The following ARHGAP6 variants were observed in gnomAD, a reference collection of about 807,000 sequenced individuals.
The protein encoded by ARHGAP6 is rho GTPase-activating protein 6.
A neutral mutation model predicts 55.7 loss-of-function variants in ARHGAP6; 16 were observed. The observed-to-expected ratio is 0.29, with a 90% CI of 0.19 to 0.44. The LOEUF is 0.44. Ranked by LOEUF, ARHGAP6 falls within the 20% of genes least tolerant of loss-of-function variation. The pLI, the probability that ARHGAP6 is intolerant of heterozygous loss-of-function variation, is 1.00. For missense variants in ARHGAP6, 698 were observed against 808.9 expected (o/e 0.86, Z 1.66); for synonymous variants, 382 against 360.9 (o/e 1.06, Z -0.66).
intron 1 of ARHGAP6, among the ~76,000 whole-genome samples, chrX:11,322,715 G>T (rs1452840366): frequency 8.9e-6 from 1 of 112,196 alleles, no homozygotes; most frequent in Non-Finnish European, 1.9e-5. Flanking sequence ...AACTCATTCT[G>T]TGAATTTTGC....
At chrX:11,381,394 T>TC (rs1419932190) in intron 1 of ARHGAP6, among the ~76,000 whole-genome samples, 12 of 112,338 alleles carry the variant, frequency 1.1e-4, no homozygotes, top group Middle Eastern at 9.2e-3. Context: ...CCTGAAATAA[T>TC]CTTTATTTGA....
intron 1 of ARHGAP6, among the ~76,000 whole-genome samples, chrX:11,313,078 T>A (rs750129852): frequency 8.9e-6 from 1 of 112,204 alleles, no homozygotes; most frequent in South Asian, 3.7e-4. Flanking sequence ...CCTTAAGAGG[T>A]AGGTACTGTT....
chrX:11,646,964 G>A (rs965917939), intron 1 of ARHGAP6, among the ~76,000 whole-genome samples: 2 of 111,809 alleles, frequency 1.8e-5, no homozygotes, highest in African/African-American at 6.5e-5. Flanking sequence ...ACAAAATGAT[G>A]GCATCAATTT....
intron 3 of ARHGAP6, among the ~76,000 whole-genome samples, chrX:11,190,480 T>C (rs1471004955): frequency 3.0e-5 from 3 of 99,534 alleles, no homozygotes; most frequent in South Asian, 4.4e-4. Flanking sequence ...TATATATATA[T>C]ACATATATCT....
intron 1 of ARHGAP6, among the ~76,000 whole-genome samples, chrX:11,390,683 C>T (rs890160467): frequency 5.3e-5 from 6 of 112,278 alleles, no homozygotes; most frequent in African/African-American, 1.3e-4. Context: ...CAAAAGAAGA[C>T]ATTTATGCAG....
intron 1 of ARHGAP6, chrX:11,351,316 A>T: frequency 1.1e-6 from 1 of 930,831 alleles, no homozygotes; most frequent in Non-Finnish European, 1.4e-6. Context: ...CTGGATCAAG[A>T]GCTACTATAT....
intron 1 of ARHGAP6, among the ~76,000 whole-genome samples, chrX:11,516,290 T>C (rs2050839617): frequency 8.9e-6 from 1 of 112,167 alleles, no homozygotes; most frequent in African/African-American, 3.2e-5. Context: ...CATTTTTAAG[T>C]GTACAGTTCA....
chrX:11,403,920 A>G (rs1434849354), intron 1 of ARHGAP6, among the ~76,000 whole-genome samples: 2 of 112,481 alleles, frequency 1.8e-5, no homozygotes, highest in Non-Finnish European at 3.8e-5. Flanking sequence ...TAACATTGAA[A>G]TGGGCTCATA....
chrX:11,607,447 A>C (rs922620206), intron 1 of ARHGAP6, among the ~76,000 whole-genome samples: 1 of 112,165 alleles, frequency 8.9e-6, no homozygotes, highest in African/African-American at 3.2e-5. Context: ...TTACAGCACA[A>C]TAGTTGATTC....
At chrX:11,326,068 C>T (rs1328250097) in intron 1 of ARHGAP6, among the ~76,000 whole-genome samples, 1 of 111,641 alleles carries the variant, frequency 9.0e-6, no homozygotes, top group Non-Finnish European at 1.9e-5. Context: ...GAAGAGAATC[C>T]CTGTTTAGAG....
At chrX:11,443,169 C>A (rs1271661718) in intron 1 of ARHGAP6, among the ~76,000 whole-genome samples, 1 of 112,382 alleles carries the variant, frequency 8.9e-6, no homozygotes, top group Non-Finnish European at 1.9e-5. Context: ...TTTAAGGCCA[C>A]AGAATCAGTC....
At chrX:11,606,565 T>A (rs940083645) in intron 1 of ARHGAP6, among the ~76,000 whole-genome samples, 1 of 111,327 alleles carries the variant, frequency 9.0e-6, no homozygotes, top group Non-Finnish European at 1.9e-5. Flanking sequence ...TAGGGTCACA[T>A]CATTAGTTAA....
rs1040847307 is a variant in ARHGAP6, at chrX:11,139,360, T to C, written c.2428A>G (p.Arg810Gly). The change falls in exon 13 of 13, where the codon AGG becomes GGG. Residue 810 changes from arginine (R) to glycine (G), a missense_variant. This residue lies in a region of ARHGAP6 where 212 missense variants were observed against 208.7 expected (regional missense o/e 1.02). Coordinates refer to ENST00000337414, the MANE Select transcript of ARHGAP6 (RefSeq NM_013427.3). ...GCGCGCGACACCGCAGGGTGGGCCC[T>C]GCCCTCCGTCGCGGGGGCTGCGGCC... is the stretch of plus-strand genomic sequence containing the variant. ...TQAAAPATEG[R>G]AHPAVSRACS... 5.9e-6 allele frequency: 7 copies of C among 1,179,158 alleles called. No homozygotes were observed. Among genetic ancestry groups the C allele is most frequent in the Middle Eastern group, 2.4e-4 (1 of 4,254 alleles).
intron 1 of ARHGAP6, among the ~76,000 whole-genome samples, chrX:11,286,670 C>T (rs906213105): frequency 8.9e-6 from 1 of 111,746 alleles, no homozygotes; most frequent in Admixed American, 9.5e-5. Flanking sequence ...AACTTAAGAG[C>T]GAGGGTTGTT....
At chrX:11,643,989 C>T (rs1244053075) in intron 1 of ARHGAP6, among the ~76,000 whole-genome samples, 4 of 111,881 alleles carry the variant, frequency 3.6e-5, no homozygotes, top group Admixed American at 9.5e-5. Flanking sequence ...ACCTACAGAT[C>T]CATGTGCAAA....
intron 1 of ARHGAP6, among the ~76,000 whole-genome samples, chrX:11,339,044 C>A (rs1055735903): frequency 4.5e-5 from 5 of 112,040 alleles, no homozygotes; most frequent in African/African-American, 1.6e-4. Context: ...ATTTGTGAAC[C>A]TCCTGAATCA....
intron 1 of ARHGAP6, among the ~76,000 whole-genome samples, chrX:11,490,917 C>A (rs1465832561): frequency 8.9e-6 from 1 of 112,079 alleles, no homozygotes; most frequent in Non-Finnish European, 1.9e-5. Context: ...AACCATTTTT[C>A]AAAAAGAATA....
intron 4 of ARHGAP6, among the ~76,000 whole-genome samples, chrX:11,187,249 A>G (rs1351139339): frequency 9.0e-6 from 1 of 111,329 alleles, no homozygotes; most frequent in Non-Finnish European, 1.9e-5. Context: ...GCAAATAAAT[A>G]AGGTGTTGGC....
rs1273177947 is a variant in ARHGAP6, at chrX:11,536,708, T to C, written c.588+127533A>G. Reference sequence around the variant, plus strand: ...TGGTATGAAAATATGCACAAAAACATATTTCTGGACAAAAACGTAACTAAA... The same window carrying C: ...TGGTATGAAAATATGCACAAAAACACATTTCTGGACAAAAACGTAACTAAA... On this transcript the variant is annotated intron_variant, in intron 1 of 12. Transcript: ENST00000337414. 2.7e-5 allele frequency among the ~76,000 whole-genome samples: 3 copies of C among 112,408 alleles called. No individual in the cohort carries two copies. The Admixed American group carries it at 2.8e-4, about 11-fold the overall frequency.
Sources: gnomAD v4.1 joint callset for allele counts (sites outside exome capture counted in the v4.1 genomes callset) on GRCh38, gnomAD v4.1.1 for gene constraint, gnomAD v4.1.1 regional missense constraint, MANE v1.5 for transcripts, NCBI Gene and HGNC (gene_info 2026-07-23, HGNC 2026-07-21) for gene names.